The following CCSER1 variants were observed in gnomAD, a reference collection of about 807,000 sequenced individuals.
CCSER1 encodes the protein coiled-coil serine rich protein 1, also known as serine-rich coiled-coil domain-containing protein 1.
In CCSER1, 41 loss-of-function variants were observed where a neutral mutation model predicts 82.0. That is an observed-to-expected ratio of 0.50 (90% CI 0.39 to 0.65). The LOEUF is 0.65. CCSER1 is among the 30% of genes least tolerant of loss of function. The pLI, the probability that CCSER1 is intolerant of heterozygous loss-of-function variation, is 0.00. For missense variants in CCSER1, 1,119 were observed against 1,064.2 expected, an observed-to-expected ratio of 1.05 and a Z score of -0.72; for synonymous variants, 414 against 383.9, an observed-to-expected ratio of 1.08 and a Z score of -0.92.
At chr4:90,426,174 C>G (rs936407570) in intron 4 of CCSER1, among the ~76,000 whole-genome samples, 6 of 152,150 alleles carry the variant, frequency 3.9e-5, no homozygotes, top group African/African-American at 9.7e-5. Flanking sequence ...ATGACGAATG[C>G]AGCACATTCT....
intron 10 of CCSER1, among the ~76,000 whole-genome samples, chr4:91,380,570 C>A (rs1270401627): frequency 6.6e-6 from 1 of 151,990 alleles, no homozygotes; most frequent in African/African-American, 2.4e-5. Flanking sequence ...GGATTGCAAC[C>A]CTGCCTTTTT....
intron 9 of CCSER1, among the ~76,000 whole-genome samples, chr4:90,946,962 C>T (rs1389996383): frequency 1.3e-5 from 2 of 152,138 alleles, no homozygotes; most frequent in Non-Finnish European, 2.9e-5. Flanking sequence ...TCTCCAGGCT[C>T]CCTCACTCTA....
chr4:91,261,941 CTG>C (rs1741218569), intron 10 of CCSER1, among the ~76,000 whole-genome samples: 1 of 152,008 alleles, frequency 6.6e-6, no homozygotes, highest in Admixed American at 6.6e-5. Flanking sequence ...CTGAATATAA[CTG>C]TGCATGGTAG....
intron 10 of CCSER1, among the ~76,000 whole-genome samples, chr4:91,593,466 G>GTTTTTTTTTTTTT (rs1308070910): frequency 4.0e-5 from 3 of 75,460 alleles, no homozygotes; most frequent in Non-Finnish European, 8.2e-5. Flanking sequence ...TCAACCCCGT[G>GTTTTTTTTTTTTT]CTTTTTTTTT....
intron 10 of CCSER1, among the ~76,000 whole-genome samples, chr4:91,487,542 T>G (rs934034586): frequency 6.6e-6 from 1 of 152,170 alleles, no homozygotes. Flanking sequence ...CTACCAACTA[T>G]TTACATTAAC....
At chr4:90,302,974 A>G (rs1241032063) in intron 1 of CCSER1, among the ~76,000 whole-genome samples, 1 of 152,172 alleles carries the variant, frequency 6.6e-6, no homozygotes, top group South Asian at 2.1e-4. Context: ...CCTAAAGAAT[A>G]TGGATAATCT....
At chr4:90,898,169 C>T (rs774500799) in intron 8 of CCSER1, among the ~76,000 whole-genome samples, 3 of 148,212 alleles carry the variant, frequency 2.0e-5, no homozygotes, top group Non-Finnish European at 4.5e-5. Context: ...AGTTCTTTAT[C>T]ATAAATTATT....
intron 10 of CCSER1, among the ~76,000 whole-genome samples, chr4:91,092,728 G>A (rs190754469): frequency 1.3e-5 from 2 of 152,228 alleles, no homozygotes; most frequent in Admixed American, 6.5e-5. Flanking sequence ...TTTATTGTTT[G>A]TCCTCCCTCT....
rs550575288 is a variant in CCSER1 at position 91,441,499 on chromosome 4, C to G, written c.2218-157073C>G. Among the ~76,000 whole-genome samples, 16 of 152,032 alleles carry G rather than the reference C, an allele frequency of 1.1e-4. No homozygotes were observed. In the South Asian group the frequency reaches 3.3e-3, roughly 32 times the overall value. Reference sequence around the variant, plus strand: ...AATAATAAGAGCTATCTATGACAAACTCACAGCCAATATCATACTGAATGG... The same window carrying G: ...AATAATAAGAGCTATCTATGACAAAGTCACAGCCAATATCATACTGAATGG... On this transcript the variant is annotated intron_variant, in intron 10 of 10. Transcript: ENST00000509176.
At chr4:91,126,358 CTT>C (rs1727517528) in intron 10 of CCSER1, among the ~76,000 whole-genome samples, 2 of 151,834 alleles carry the variant, frequency 1.3e-5, no homozygotes, top group Non-Finnish European at 2.9e-5. Context: ...CTTTCAGAAA[CTT>C]TTATGCTTTC....
At chr4:90,653,856 T>G (rs1427213183) in intron 6 of CCSER1, among the ~76,000 whole-genome samples, 1 of 152,156 alleles carries the variant, frequency 6.6e-6, no homozygotes, top group East Asian at 1.9e-4. Flanking sequence ...GGGTAATTTA[T>G]GAAGAAAAGA....
intron 8 of CCSER1, among the ~76,000 whole-genome samples, chr4:90,844,454 T>C (rs1470670178): frequency 6.6e-6 from 1 of 152,170 alleles, no homozygotes; most frequent in Non-Finnish European, 1.5e-5. Flanking sequence ...TCCAGCCACA[T>C]TGGCCTTCTT....
chr4:91,381,490 T>C (rs1326996232), intron 10 of CCSER1, among the ~76,000 whole-genome samples: 1 of 151,896 alleles, frequency 6.6e-6, no homozygotes, highest in Admixed American at 6.6e-5. Context: ...TCATTTCATT[T>C]ATTTGATCTT....
intron 6 of CCSER1, among the ~76,000 whole-genome samples, chr4:90,661,531 T>C (rs906028220): frequency 6.6e-6 from 1 of 152,170 alleles, no homozygotes; most frequent in African/African-American, 2.4e-5. Context: ...GCCTGAAGAA[T>C]AGAAGGCTGA....
At chr4:90,428,352 C>G (rs529929624) in intron 4 of CCSER1, among the ~76,000 whole-genome samples, 1 of 151,864 alleles carries the variant, frequency 6.6e-6, no homozygotes, top group South Asian at 2.1e-4. Context: ...AGACCTTGAA[C>G]TACTCAGGGT....
intron 1 of CCSER1, among the ~76,000 whole-genome samples, chr4:90,186,754 T>C (rs894127681): frequency 6.6e-6 from 1 of 151,962 alleles, no homozygotes; most frequent in African/African-American, 2.4e-5. Flanking sequence ...CTTTTTCCTT[T>C]TCTATTTTTT....
chr4:90,222,585 A>T (rs536518735), intron 1 of CCSER1, among the ~76,000 whole-genome samples: 85 of 152,254 alleles, frequency 5.6e-4, no homozygotes, highest in African/African-American at 1.9e-3. Flanking sequence ...CGTTTATTTT[A>T]TAGTGGAATT....
Position 91,221,280 on chromosome 4 carries a change from G to T in CCSER1, c.2217+135286G>T, listed in dbSNP as rs74358428. 7.5e-3 allele frequency among the ~76,000 whole-genome samples: 1,140 copies of T among 152,098 alleles called. 15 individuals are homozygous for T. The highest frequency in any genetic ancestry group is 0.027 in the African/African-American group (1,103 of 41,500). The stretch of plus-strand genomic sequence containing the variant: ...AAATGCAGTCAATTTATTTGATTAT[G>T]TGTAAGAAATAAGTAAATGCTATTT... On this transcript the variant is annotated intron_variant, in intron 10 of 10. Transcript: ENST00000509176.
At chr4:90,867,863 C>T (rs780032781) in intron 8 of CCSER1, among the ~76,000 whole-genome samples, 2 of 151,754 alleles carry the variant, frequency 1.3e-5, no homozygotes, top group South Asian at 2.1e-4. Context: ...CATGTTGTTC[C>T]GAAGGACAGG....
Sources: allele counts gnomAD v4.1 joint callset (sites outside exome capture counted in the v4.1 genomes callset), GRCh38; gene constraint gnomAD v4.1.1; transcripts MANE v1.5; gene names NCBI Gene and HGNC (gene_info 2026-07-23, HGNC 2026-07-21).